PIKFYVE: variants seen among roughly 807,000 people sequenced by gnomAD.
The protein encoded by PIKFYVE is 1-phosphatidylinositol 3-phosphate 5-kinase.
A neutral mutation model predicts 257.9 loss-of-function variants in PIKFYVE; 122 were observed. The observed-to-expected ratio is 0.47, with a 90% confidence interval of 0.41 to 0.55. PIKFYVE has a LOEUF of 0.55. PIKFYVE is among the 20% of genes least tolerant of loss of function. The pLI is 0.00. For missense variants in PIKFYVE, 2,160 were observed against 2,536.6 expected (o/e 0.85, Z 3.19); for synonymous variants, 892 against 868.9 (o/e 1.03, Z -0.47).
In PIKFYVE at chr2:208,333,348, T is replaced by C; in HGVS notation, c.3997T>C (p.Trp1333Arg). The change falls in exon 24 of 42, where the codon TGG becomes CGG. Residue 1333 changes from tryptophan (W) to arginine (R), a missense_variant. Physicochemically the swap from Trp to Arg is moderately radical, Grantham distance 101. Transcript: ENST00000264380. ...TPVVALSNES[W>R]SMSFAKYLEL... ...AGTTGTTGCTCTTTCCAATGAGTCCTGGTCTATGTCATTTGCAAAATACCT... is the reference window on the plus strand; with the variant it reads ...AGTTGTTGCTCTTTCCAATGAGTCCCGGTCTATGTCATTTGCAAAATACCT... 2 of 1,614,226 alleles carry C rather than the reference T, an allele frequency of 1.2e-6. No individual in the cohort carries two copies. The highest frequency in any genetic ancestry group is 1.7e-6 in the Non-Finnish European group (2 of 1,180,028).
At chr2:208,268,747 C>T (rs1262429978) in intron 1 of PIKFYVE, among the ~76,000 whole-genome samples, 1 of 151,926 alleles carries the variant, frequency 6.6e-6, no homozygotes, top group Non-Finnish European at 1.5e-5. Flanking sequence ...CCTTCTTCTT[C>T]CTTTTCTCCT....
intron 36 of PIKFYVE, 112 bp from the exon 37 acceptor site, chr2:208,350,659 C>T: frequency 8.8e-7 from 1 of 1,136,528 alleles, no homozygotes; most frequent in Non-Finnish European, 1.3e-6. Flanking sequence ...AAAATGCCAT[C>T]ATGAAGAAAC....
chr2:208,272,946 A>G (rs1689632578), intron 2 of PIKFYVE, among the ~76,000 whole-genome samples: 1 of 152,334 alleles, frequency 6.6e-6, no homozygotes, highest in Admixed American at 6.5e-5. Context: ...TTATTGATAG[A>G]TTATTAACTA....
intron 34 of PIKFYVE, among the ~76,000 whole-genome samples, chr2:208,346,459 C>CA (rs772873711): frequency 2.6e-5 from 4 of 152,098 alleles, no homozygotes; most frequent in Non-Finnish European, 5.9e-5. Context: ...ATGCAAGATA[C>CA]GTTTTTTTCC....
At chr2:208,335,487 C>A in intron 25 of PIKFYVE, 68 bp downstream of exon 25, 1 of 1,256,522 alleles carries the variant, frequency 8.0e-7, no homozygotes, top group Non-Finnish European at 1.1e-6. Context: ...CAGATTTATT[C>A]ATTTTATTTT....
chr2:208,322,046 A>C (rs1449514689), intron 17 of PIKFYVE, among the ~76,000 whole-genome samples: 1 of 152,188 alleles, frequency 6.6e-6, no homozygotes, highest in Non-Finnish European at 1.5e-5. Context: ...GGGATAACTC[A>C]TGTTGGTTTC....
At chr2:208,336,319 CTTT>C (rs1698136420) in intron 27 of PIKFYVE, 119 bp downstream of exon 27, 1 of 1,172,806 alleles carries the variant, frequency 8.5e-7, no homozygotes. Flanking sequence ...GTTAAAGAGC[CTTT>C]TGTTTCCTGT....
At chr2:208,269,812 T>C in intron 1 of PIKFYVE, 1 of 246,722 alleles carries the variant, frequency 4.1e-6, no homozygotes, top group Non-Finnish European at 8.8e-6. Context: ...AACTGGGGGC[T>C]CCTTGGTTTT....
intron 28 of PIKFYVE, among the ~76,000 whole-genome samples, chr2:208,338,211 T>A (rs1161749920): frequency 1.3e-5 from 2 of 152,190 alleles, no homozygotes; most frequent in Non-Finnish European, 2.9e-5. Context: ...ACCAATTTTT[T>A]TTTTAAATTT....
chr2:208,309,150 T>A (rs948779104), intron 12 of PIKFYVE, among the ~76,000 whole-genome samples: 9 of 152,230 alleles, frequency 5.9e-5, no homozygotes, highest in Non-Finnish European at 1.3e-4. Context: ...GTTCACTTTT[T>A]TTTTTGGTCA....
At chr2:208,313,059 G>C (rs935718500) in intron 13 of PIKFYVE, among the ~76,000 whole-genome samples, 1 of 152,136 alleles carries the variant, frequency 6.6e-6, no homozygotes, top group Non-Finnish European at 1.5e-5. Flanking sequence ...TGCAATTCTT[G>C]TACTTCACAT....
chr2:208,341,523 A>G (rs1372929168), intron 31 of PIKFYVE, among the ~76,000 whole-genome samples: 2 of 152,078 alleles, frequency 1.3e-5, no homozygotes, highest in Non-Finnish European at 2.9e-5. Flanking sequence ...ATTACCATAG[A>G]CTGAGTTGCT....
chr2:208,287,270 C>CTTTTT (rs56178613), intron 6 of PIKFYVE, among the ~76,000 whole-genome samples: 1 of 135,046 alleles, frequency 7.4e-6, no homozygotes, highest in South Asian at 2.4e-4. Context: ...TTTTCTTTTT[C>CTTTTT]TTTTTTTTTT....
Position 208,352,728 on chromosome 2 carries a change from G to C in PIKFYVE, c.5790G>C (p.Lys1930Asn), listed in dbSNP as rs1559180457. ...AGAACTCTCAGAACAACACTGAGAA[G>C]AAGTTAGATCTCCTTGTCATGGAAA... The part of the protein sequence containing the change: ...GYKNSQNNTE[K>N]KLDLLVMENL... The change falls in exon 39 of 42, where the codon AAG becomes AAC. Residue 1930 changes from lysine to asparagine, a missense_variant. Transcript: ENST00000264380. 1.2e-6 allele frequency: 2 copies of C among 1,613,792 alleles called. No individual in the cohort carries two copies. The highest frequency in any genetic ancestry group is 1.7e-6 in the Non-Finnish European group (2 of 1,179,790).
intron 12 of PIKFYVE, among the ~76,000 whole-genome samples, chr2:208,309,988 A>G (rs1045000043): frequency 6.6e-6 from 1 of 152,220 alleles, no homozygotes; most frequent in African/African-American, 2.4e-5. Context: ...GGTCATTTGC[A>G]GTCTTATAAT....
At position 208,355,331 on chromosome 2, in the gene PIKFYVE, CTG is replaced by C; in HGVS notation, c.*29_*30del. On this transcript the variant is annotated 3_prime_UTR_variant, in exon 42 of 42. Coordinates refer to ENST00000264380, the MANE Select transcript of PIKFYVE (RefSeq NM_015040.4). The stretch of plus-strand genomic sequence containing the variant: ...AATCAAGCACATATTTTGAAATGGA[CTG>C]TGAAGGAAAAGGGGACAGGAACAAA... 1 of 1,567,440 alleles carries C rather than the reference CTG, an allele frequency of 6.4e-7. No individual in the cohort carries two copies. Among genetic ancestry groups the C allele is most frequent in the East Asian group, 2.2e-5 (1 of 44,644 alleles).
intron 5 of PIKFYVE, among the ~76,000 whole-genome samples, chr2:208,284,767 T>G (rs2125134282): frequency 6.6e-6 from 1 of 152,338 alleles, no homozygotes; most frequent in Non-Finnish European, 1.5e-5. Context: ...TTATTTATTC[T>G]ATTAAAAAAT....
intron 31 of PIKFYVE, among the ~76,000 whole-genome samples, chr2:208,341,468 T>A (rs1203913345): frequency 1.3e-5 from 2 of 152,178 alleles, no homozygotes; most frequent in East Asian, 3.9e-4. Context: ...TTCTATTATA[T>A]GCTCTTATGA....
intron 23 of PIKFYVE, among the ~76,000 whole-genome samples, chr2:208,331,743 C>T (rs1302915791): frequency 2.0e-5 from 3 of 152,152 alleles, no homozygotes; most frequent in Admixed American, 6.5e-5. Flanking sequence ...AATAATAGCA[C>T]GACCTACATT....
Sources: gnomAD v4.1 joint callset for allele counts (sites outside exome capture counted in the v4.1 genomes callset) on GRCh38, gnomAD v4.1.1 for gene constraint, MANE v1.5 for transcripts, NCBI Gene and HGNC (gene_info 2026-07-23, HGNC 2026-07-21) for gene names.